DMBT1: variants seen among roughly 807,000 people sequenced by gnomAD.
DMBT1 encodes deleted in malignant brain tumors 1.
In DMBT1, 198 loss-of-function variants were observed where a neutral mutation model predicts 252.9. That is an observed-to-expected ratio of 0.78 (90% CI 0.70 to 0.88). The LOEUF (loss-of-function observed/expected upper bound fraction) is 0.88. DMBT1 is among the 40% of genes least tolerant of loss of function. DMBT1 has a pLI of 0.00. For synonymous variants in DMBT1, 990 were observed against 942.7 expected (o/e 1.05, Z -0.92); for missense variants, 2,432 against 2,404.7 (o/e 1.01, Z -0.24).
chr10:122,620,388 T>C, intron 43 of DMBT1, 97 bp downstream of exon 43: 1 of 1,427,212 alleles, frequency 7.0e-7, no homozygotes, highest in Non-Finnish European at 9.8e-7. Context: ...CTGGCGCCTC[T>C]GTTTTTCATG....
intron 46 of DMBT1, 53 bp downstream of exon 46, chr10:122,626,018 A>C: frequency 6.7e-7 from 1 of 1,499,228 alleles, no homozygotes. Flanking sequence ...CTTATCCCCA[A>C]GCTTGGCTAT....
At chr10:122,625,114 T>G (rs1001138317) in intron 44 of DMBT1, among the ~76,000 whole-genome samples, 163 bp from the exon 45 acceptor site, 5 of 152,214 alleles carry the variant, frequency 3.3e-5, no homozygotes, top group African/African-American at 1.2e-4. Context: ...TCCAACATCT[T>G]TTTTTGAGAC....
rs576512351 is a variant in DMBT1, at chr10:122,581,490, C to T, written c.1034-303C>T. On this transcript the variant is annotated intron_variant, in intron 11 of 55. Coordinates refer to ENST00000338354, the MANE Select transcript of DMBT1 (RefSeq NM_001377530.1). ...GGCAGTGTCCGAGCTTCAGCAATGG[C>T]GTCTGATGTCCTAGTCAGTCCATGC... Among the ~76,000 whole-genome samples, 198 of 150,048 alleles carry T rather than the reference C, an allele frequency of 1.3e-3. 15 individuals are homozygous for T. Among genetic ancestry groups the T allele is most frequent in the African/African-American group, 4.1e-3 (164 of 40,030 alleles).
intron 28 of DMBT1, 131 bp downstream of exon 28, chr10:122,601,154 G>A (rs2097952244): frequency 9.8e-6 from 4 of 409,644 alleles, no homozygotes; most frequent in Middle Eastern, 1.1e-3. Context: ...GGAGGAAGGT[G>A]GAATCTCTGA....
At chr10:122,565,166 T>C (rs138249031) in intron 1 of DMBT1, among the ~76,000 whole-genome samples, 134 of 152,348 alleles carry the variant, frequency 8.8e-4, no homozygotes, top group African/African-American at 3.0e-3. Context: ...AATTGATGAA[T>C]AATGATGCAA....
At chr10:122,627,237 A>C (rs2098125291) in intron 46 of DMBT1, among the ~76,000 whole-genome samples, 1 of 152,166 alleles carries the variant, frequency 6.6e-6, no homozygotes, top group Non-Finnish European at 1.5e-5. Flanking sequence ...TCTGCCTTTC[A>C]AGAACTGTTT....
At chr10:122,577,959 C>G (rs1041165219) in intron 8 of DMBT1, 119 bp downstream of exon 8, 12 of 1,136,512 alleles carry the variant, frequency 1.1e-5, no homozygotes, top group Non-Finnish European at 1.5e-5. Flanking sequence ...TATTTCACCC[C>G]CAACTCTGTA....
At position 122,594,276 on chromosome 10, in the gene DMBT1, C is replaced by G. The variant is rs2097881656; in HGVS notation, c.2531-220C>G. ...TCCTCTAACAGATAGAAAGATACCC[C>G]AGGATTAGAGAAATGGAGGGCTCAG... On this transcript the variant is annotated intron_variant, in intron 21 of 55. Transcript: ENST00000338354. 2.2e-5 allele frequency among the ~76,000 whole-genome samples: 3 copies of G among 133,466 alleles called. 1 individual carries two copies. In the Admixed American group the frequency reaches 2.3e-4, roughly 10 times the overall value. The allele number at this position is 133,466 out of a possible 152,430, so 87.6% of individuals were successfully genotyped here.
intron 3 of DMBT1, 97 bp from the exon 4 acceptor site, chr10:122,570,793 T>G: frequency 7.0e-7 from 1 of 1,431,730 alleles, no homozygotes; most frequent in South Asian, 1.2e-5. Flanking sequence ...TTAGGATCTG[T>G]GTTTCCAGCC....
intron 48 of DMBT1, 113 bp downstream of exon 48, chr10:122,630,603 C>T: frequency 8.8e-7 from 1 of 1,131,260 alleles, no homozygotes; most frequent in Non-Finnish European, 1.3e-6. Context: ...GATGCACGGC[C>T]CATTCTCTTT....
chr10:122,577,757 C>CA, intron 7 of DMBT1, 54 bp from the exon 8 acceptor site: 1 of 1,606,848 alleles, frequency 6.2e-7, no homozygotes, highest in South Asian at 1.1e-5. Context: ...AGCCTTAACT[C>CA]TACTTGGAGT....
Position 122,591,659 on chromosome 10 carries a change from C to G in DMBT1, c.2176+142C>G. 2 of 992,992 alleles carry G rather than the reference C, an allele frequency of 2.0e-6. 1 individual carries two copies. The highest frequency in any genetic ancestry group is 3.0e-6 in the Non-Finnish European group (2 of 660,810). The allele number at this position is 992,992 out of a possible 1,614,324, so 61.5% of individuals were successfully genotyped here. A position where few individuals can be genotyped will look rare whatever the true frequency, so the allele number is the denominator to read the frequency against. On this transcript the variant is annotated intron_variant, in intron 19 of 55. Transcript: ENST00000338354. ...CGCTGAGTGGGAGGAAGTTGAGTCT[C>G]TGGGGAACCAGTCCCGGGTCGGGTG... is the stretch of plus-strand genomic sequence containing the variant.
In DMBT1 at chr10:122,629,371, C is replaced by A. The variant is rs530918796; in HGVS notation, c.5669-469C>A. Among the ~76,000 whole-genome samples the A allele has an allele frequency of 6.0e-4, 92 of 152,288 alleles. 1 individual carries two copies. The highest frequency in any genetic ancestry group is 4.4e-5 in the Non-Finnish European group (3 of 68,010). ...AAACCCAGGCTTCTTGTTGCAGAAA[C>A]CCTGCTCCTAACCCAACGTTGTGCT... On this transcript the variant is annotated intron_variant, in intron 46 of 55. Coordinates refer to ENST00000338354, the MANE Select transcript of DMBT1 (RefSeq NM_001377530.1).
rs1447074775 is a variant in DMBT1 at position 122,576,688 on chromosome 10, T to G, written c.573T>G (p.Cys191Trp). 6 of 1,613,758 alleles carry G rather than the reference T, an allele frequency of 3.7e-6. No homozygotes were observed. The highest frequency in any genetic ancestry group is 4.2e-6 in the Non-Finnish European group (5 of 1,179,718). The change falls in exon 7 of 56, where the codon TGT (cysteine) becomes TGG (tryptophan). Residue 191 changes from cysteine (C) to tryptophan (W), a missense_variant. Coordinates refer to ENST00000338354, the MANE Select transcript of DMBT1 (RefSeq NM_001377530.1). The stretch of plus-strand genomic sequence containing the variant: ...ACAATGGCTGGCTCTCCCATAACTG[T>G]GGCCATGGTGAAGATGCTGGTGTTA... ...CPHNGWLSHN[C>W]GHGEDAGVIC...
intron 48 of DMBT1, 92 bp from the exon 49 acceptor site, chr10:122,630,869 A>G (rs578236500): frequency 1.5e-6 from 2 of 1,374,006 alleles, no homozygotes; most frequent in African/African-American, 1.4e-5. Context: ...TAGAGGTGGG[A>G]AAAGGCCTGT....
chr10:122,636,241 T>G, intron 53 of DMBT1, 42 bp downstream of exon 53: 2 of 1,528,336 alleles, frequency 1.3e-6, no homozygotes, highest in Non-Finnish European at 1.8e-6. Flanking sequence ...ACTGGGGACA[T>G]CCTGAGAGCA....
chr10:122,639,027 A>G (rs963275769), intron 54 of DMBT1, among the ~76,000 whole-genome samples: 1 of 152,242 alleles, frequency 6.6e-6, no homozygotes, highest in African/African-American at 2.4e-5. Context: ...CTGCGGGTCT[A>G]AGACATAGAA....
At position 122,637,158 on chromosome 10, in the gene DMBT1, C is replaced by T; in HGVS notation, c.6788C>T (p.Ala2263Val). The change falls in exon 54 of 56, where the codon GCC (alanine) becomes GTC (valine). Residue 2263 changes from alanine (A) to valine (V), a missense_variant. By Grantham distance (64) the Ala-to-Val change is moderately conservative. Around this residue, in one of 3 missense-constraint regions of DMBT1, gnomAD observed 1,162 missense variants for 1,169.0 expected, o/e 0.99. Transcript: ENST00000338354. The stretch of plus-strand genomic sequence containing the variant: ...CTCTGTCTGCCAAATCACATGCAAG[C>T]CAGTGTGAGCAGGAGCTATCTCCAA... Reference protein sequence around the residue: ...NLLCLPNHMQASVSRSYLQSL... With the variant: ...NLLCLPNHMQVSVSRSYLQSL... The T allele has an allele frequency of 6.2e-7, 1 of 1,613,968 alleles. No homozygotes were observed. Among genetic ancestry groups the T allele is most frequent in the East Asian group, 2.2e-5 (1 of 44,878 alleles).
intron 16 of DMBT1, among the ~76,000 whole-genome samples, chr10:122,587,795 A>C (rs2097803756): frequency 6.7e-6 from 1 of 148,608 alleles, no homozygotes. Flanking sequence ...GATCCTTCTA[A>C]CATTTTAGCT....
Sources: allele counts gnomAD v4.1 joint callset (sites outside exome capture counted in the v4.1 genomes callset), GRCh38; gene constraint gnomAD v4.1.1; regional missense constraint gnomAD v4.1.1; transcripts MANE v1.5; gene names NCBI Gene and HGNC (gene_info 2026-07-23, HGNC 2026-07-21).